Variants in GRIA1 observed in about 807,000 individuals in gnomAD.
GRIA1 encodes the protein glutamate receptor 1.
A neutral mutation model predicts 99.2 loss-of-function variants in GRIA1; 31 were observed. That is an observed-to-expected ratio of 0.31 (90% CI 0.23 to 0.42). The LOEUF (loss-of-function observed/expected upper bound fraction) is 0.42. Among genes scored for constraint, GRIA1 ranks in the 10% least tolerant of loss-of-function variants. The pLI, the probability that GRIA1 is intolerant of heterozygous loss-of-function variation, is 1.00. For missense variants in GRIA1, 782 were observed against 1,157.5 expected, an observed-to-expected ratio of 0.68 and a Z score of 4.71; for synonymous variants, 438 against 432.4, an observed-to-expected ratio of 1.01 and a Z score of -0.16.
intron 2 of GRIA1, among the ~76,000 whole-genome samples, chr5:153,567,048 T>G (rs1209532940): frequency 6.6e-6 from 1 of 152,214 alleles, no homozygotes; most frequent in African/African-American, 2.4e-5. Flanking sequence ...ATGGGTTACC[T>G]ATTAGCCTTC....
At chr5:153,549,197 C>T (rs1358019383) in intron 2 of GRIA1, among the ~76,000 whole-genome samples, 1 of 152,150 alleles carries the variant, frequency 6.6e-6, no homozygotes, top group Non-Finnish European at 1.5e-5. Flanking sequence ...TGAGATGGTA[C>T]ACATTAATGA....
chr5:153,648,875 C>A (rs923469282), intron 3 of GRIA1, among the ~76,000 whole-genome samples: 3 of 150,660 alleles, frequency 2.0e-5, no homozygotes, highest in African/African-American at 4.9e-5. Flanking sequence ...ATCGCTAGAA[C>A]CTGCAAATAT....
chr5:153,650,343 G>A lies in GRIA1; in HGVS notation c.474G>A (p.Leu158=). 6.2e-7 allele frequency: 1 copy of A among 1,613,728 alleles called. No individual in the cohort carries two copies. The highest frequency in any genetic ancestry group is 1.1e-5 in the South Asian group (1 of 91,062). ...IYDADRGLSV[L]QKVLDTAAEK... ...TCTGAACTTTAGGCTTATCCGTCCT[G>A]CAGAAAGTCCTGGATACAGCTGCTG... The change falls in exon 4 of 16, where the codon CTG becomes CTA. Residue 158 remains leucine (L), a synonymous_variant. Transcript: ENST00000285900.
chr5:153,655,796 T>G (rs572635289), intron 4 of GRIA1, 23 bp from the exon 5 acceptor site: 3 of 1,606,498 alleles, frequency 1.9e-6, no homozygotes, highest in Non-Finnish European at 2.6e-6. Flanking sequence ...GATTAATGAG[T>G]CTCCACCTAT....
chr5:153,723,336 G>A (rs1416716903), intron 11 of GRIA1, among the ~76,000 whole-genome samples: 1 of 152,196 alleles, frequency 6.6e-6, no homozygotes, highest in Non-Finnish European at 1.5e-5. Context: ...GGTGATTTCT[G>A]CATTTCCATC....
chr5:153,542,320 T>A (rs1256310358), intron 2 of GRIA1, among the ~76,000 whole-genome samples: 1 of 152,164 alleles, frequency 6.6e-6, no homozygotes, highest in Non-Finnish European at 1.5e-5. Flanking sequence ...AGAGAGATAT[T>A]CAAATCCTCT....
intron 2 of GRIA1, among the ~76,000 whole-genome samples, chr5:153,546,268 C>T (rs1759609791): frequency 6.6e-6 from 1 of 152,178 alleles, no homozygotes; most frequent in Admixed American, 6.5e-5. Context: ...ATTGTGCAAA[C>T]ATCAGGGAAG....
At chr5:153,519,263 A>C (rs529392913) in intron 2 of GRIA1, among the ~76,000 whole-genome samples, 1 of 151,626 alleles carries the variant, frequency 6.6e-6, no homozygotes, top group Non-Finnish European at 1.5e-5. Context: ...CTCCATCTCA[A>C]AAAAAAAGGA....
At chr5:153,776,253 C>G (rs543217973) in intron 13 of GRIA1, among the ~76,000 whole-genome samples, 11 of 152,102 alleles carry the variant, frequency 7.2e-5, no homozygotes, top group Non-Finnish European at 1.6e-4. Flanking sequence ...GTGGTGGGCT[C>G]TATGTTCGTC....
chr5:153,779,419 G>A (rs896114743), intron 13 of GRIA1, among the ~76,000 whole-genome samples: 3 of 152,202 alleles, frequency 2.0e-5, no homozygotes, highest in African/African-American at 7.2e-5. Context: ...GACATGAGAT[G>A]TCAGATGGCC....
At chr5:153,671,445 G>A (rs1756167423) in intron 5 of GRIA1, among the ~76,000 whole-genome samples, 1 of 152,176 alleles carries the variant, frequency 6.6e-6, no homozygotes, top group African/African-American at 2.4e-5. Context: ...TGGGGTAAGT[G>A]CTCTCTTAGA....
intron 11 of GRIA1, among the ~76,000 whole-genome samples, chr5:153,739,315 G>C (rs1451410509): frequency 6.6e-6 from 1 of 152,086 alleles, no homozygotes; most frequent in African/African-American, 2.4e-5. Context: ...TTCTCTGCCT[G>C]TAACAACCTT....
At chr5:153,500,908 C>T (rs1209991784) in intron 2 of GRIA1, among the ~76,000 whole-genome samples, 1 of 151,994 alleles carries the variant, frequency 6.6e-6, no homozygotes, top group African/African-American at 2.4e-5. Context: ...TAGGTATAAC[C>T]TTGGAGAAAC....
At chr5:153,683,012 G>A (rs1757089296) in intron 7 of GRIA1, among the ~76,000 whole-genome samples, 1 of 152,152 alleles carries the variant, frequency 6.6e-6, no homozygotes, top group Non-Finnish European at 1.5e-5. Flanking sequence ...GGGAGTTGAG[G>A]GCGCCAGGAT....
At chr5:153,539,976 C>A (rs1312856309) in intron 2 of GRIA1, among the ~76,000 whole-genome samples, 1 of 152,216 alleles carries the variant, frequency 6.6e-6, no homozygotes, top group Non-Finnish European at 1.5e-5. Context: ...CAAGTCCCTT[C>A]CAATTCTACA....
At chr5:153,635,816 C>T (rs1353966895) in intron 2 of GRIA1, among the ~76,000 whole-genome samples, 1 of 152,186 alleles carries the variant, frequency 6.6e-6, no homozygotes, top group Non-Finnish European at 1.5e-5. Flanking sequence ...CCTCTGAGGA[C>T]CCCTGCCCTC....
chr5:153,498,028 C>A (rs1420246644), intron 2 of GRIA1, among the ~76,000 whole-genome samples: 2 of 152,120 alleles, frequency 1.3e-5, no homozygotes, highest in Non-Finnish European at 2.9e-5. Flanking sequence ...CCAAATATAG[C>A]CATCCACAAG....
intron 2 of GRIA1, among the ~76,000 whole-genome samples, chr5:153,638,625 C>A (rs1317734898): frequency 6.6e-6 from 1 of 152,188 alleles, no homozygotes; most frequent in Non-Finnish European, 1.5e-5. Context: ...AGAGACTGTC[C>A]ATGAAATGCT....
chr5:153,674,371 C>A (rs573200446), intron 5 of GRIA1, 129 bp from the exon 6 acceptor site: 5 of 970,440 alleles, frequency 5.2e-6, no homozygotes, highest in Non-Finnish European at 8.0e-6. Flanking sequence ...GGAAAGGAGG[C>A]CTAACTGTCT....
Sources: gnomAD v4.1 joint callset for allele counts (sites outside exome capture counted in the v4.1 genomes callset) on GRCh38, gnomAD v4.1.1 for gene constraint, MANE v1.5 for transcripts, NCBI Gene and HGNC (gene_info 2026-07-23, HGNC 2026-07-21) for gene names.